Variants in PLEKHO2 observed in about 807,000 individuals in gnomAD.
PLEKHO2 encodes the protein pleckstrin homology domain-containing family O member 2.
PLEKHO2 carries 20 observed loss-of-function variants against 32.7 expected under a neutral mutation model. The observed-to-expected ratio is 0.61, with a 90% CI of 0.43 to 0.89. The LOEUF (loss-of-function observed/expected upper bound fraction) is 0.89. Among genes scored for constraint, PLEKHO2 ranks in the 40% least tolerant of loss-of-function variants. The probability of loss-of-function intolerance (pLI) is 0.00; values close to 1 mark genes in which losing one functional copy is unlikely to be tolerated. For missense variants in PLEKHO2, 568 were observed against 621.2 expected (o/e 0.91, Z 0.91); for synonymous variants, 247 against 246.3 (o/e 1.00, Z -0.03).
chr15:64,853,398 T>C (rs1350877610), intron 2 of PLEKHO2, among the ~76,000 whole-genome samples: 1 of 150,736 alleles, frequency 6.6e-6, no homozygotes, highest in African/African-American at 2.4e-5. Flanking sequence ...TGCCTCAGCC[T>C]CCCAAGTAGC....
At chr15:64,860,057 C>T in intron 4 of PLEKHO2, 59 bp downstream of exon 4, 1 of 1,480,106 alleles carries the variant, frequency 6.8e-7, no homozygotes, top group Non-Finnish European at 9.4e-7. Flanking sequence ...TGCGTGTGAT[C>T]TAGGAGAGGA....
Position 64,865,585 on chromosome 15 carries a change from C to A in PLEKHO2, c.1170C>A (p.Ser390=). The A allele has an allele frequency of 6.2e-7, 1 of 1,614,244 alleles. No homozygotes were observed. The highest frequency in any genetic ancestry group is 8.5e-7 in the Non-Finnish European group (1 of 1,180,036). Residue 390 remains serine, a synonymous_variant, in exon 6 of 6, where the codon TCC becomes TCA. Transcript: ENST00000323544. ...LPPQFHPRCS[S]LGDLLGEGPR... ...CTCAGTTCCATCCCCGCTGCTCCTC[C>A]CTTGGGGACTTGCTTGGGGAAGGCC...
chr15:64,845,679 A>G (rs1358812719), intron 1 of PLEKHO2, among the ~76,000 whole-genome samples: 3 of 152,198 alleles, frequency 2.0e-5, no homozygotes, highest in Admixed American at 2.0e-4. Flanking sequence ...TCATTCTTCA[A>G]GGACCTGGAC....
At chr15:64,843,203 T>C (rs1435730348) in intron 1 of PLEKHO2, among the ~76,000 whole-genome samples, 1 of 152,218 alleles carries the variant, frequency 6.6e-6, no homozygotes, top group African/African-American at 2.4e-5. Context: ...TGTGGGATGG[T>C]AGATAAGTCA....
chr15:64,857,075 G>A (rs1158149116), intron 3 of PLEKHO2, among the ~76,000 whole-genome samples: 1 of 152,236 alleles, frequency 6.6e-6, no homozygotes, highest in Non-Finnish European at 1.5e-5. Context: ...GGCCACTGCT[G>A]GGCCTTGCTG....
rs1247968408 is a variant in PLEKHO2 at position 64,855,012 on chromosome 15, T to G, written c.254T>G (p.Ile85Ser). 1 of 1,592,178 alleles carries G rather than the reference T, an allele frequency of 6.3e-7. No individual in the cohort carries two copies. Among genetic ancestry groups the G allele is most frequent in the Non-Finnish European group, 8.6e-7 (1 of 1,168,828 alleles). ...CTCCTCAAGCGAAAACACCGCTTTA[T>G]CCTGCTGCGATCCCCAGGGAACAAG... The part of the protein sequence containing the change: ...RALLKRKHRF[I>S]LLRSPGNKVS... Residue 85 changes from isoleucine (I) to serine (S), a missense_variant, in exon 3 of 6, where the codon ATC becomes AGC. Transcript: ENST00000323544.
intron 5 of PLEKHO2, among the ~76,000 whole-genome samples, chr15:64,863,735 G>A (rs2084660895): frequency 7.3e-6 from 1 of 136,320 alleles, no homozygotes; most frequent in Non-Finnish European, 1.5e-5. Context: ...TTGGGTGACA[G>A]TGCGAGACCC....
intron 2 of PLEKHO2, among the ~76,000 whole-genome samples, chr15:64,852,240 T>C (rs1367397803): frequency 2.0e-5 from 3 of 152,094 alleles, no homozygotes; most frequent in African/African-American, 4.8e-5. Flanking sequence ...GGGTTCATGG[T>C]TGGGGGCAGG....
rs922166513 is a variant in PLEKHO2 at position 64,863,440 on chromosome 15, A to T, written c.484-1459A>T. ...AAGGAATGCCTGATGGGGGCCGGGG[A>T]CGGATGTAGGGAGGGCCAGCCTTGG... is the stretch of plus-strand genomic sequence containing the variant. On this transcript the variant is annotated intron_variant, in intron 5 of 5. Coordinates refer to ENST00000323544, the MANE Select transcript of PLEKHO2 (RefSeq NM_025201.5). Among the ~76,000 whole-genome samples, 25 of 149,886 alleles carry T rather than the reference A, an allele frequency of 1.7e-4. 1 individual carries two copies. The highest frequency in any genetic ancestry group is 5.4e-4 in the African/African-American group (22 of 40,654).
rs949933921 is a variant in PLEKHO2, at chr15:64,866,504, G to C, written c.*616G>C. ...CCTCTTTGTGAGGAGGACATTAGCT[G>C]TGTGGCCTCTCTCTCTTTGGCCCTG... On this transcript the variant is annotated 3_prime_UTR_variant, in exon 6 of 6. Transcript: ENST00000323544. The C allele has an allele frequency of 2.5e-6, 1 of 405,048 alleles. No homozygotes were observed. Among genetic ancestry groups the C allele is most frequent in the Non-Finnish European group, 5.0e-6 (1 of 201,028 alleles). The allele number at this position is 405,048 out of a possible 1,614,324, so 25.1% of individuals were successfully genotyped here. A position where few individuals can be genotyped will look rare whatever the true frequency, so the allele number is the denominator to read the frequency against.
chr15:64,851,054 GT>G (rs1299991910), intron 2 of PLEKHO2, among the ~76,000 whole-genome samples: 1 of 152,224 alleles, frequency 6.6e-6, no homozygotes, highest in Non-Finnish European at 1.5e-5. Context: ...GATCCAAAGT[GT>G]TTAAAGGAGC....
intron 1 of PLEKHO2, among the ~76,000 whole-genome samples, chr15:64,844,126 G>T (rs1047214008): frequency 6.6e-6 from 1 of 152,188 alleles, no homozygotes; most frequent in African/African-American, 2.4e-5. Flanking sequence ...ATAGCCACAT[G>T]CTCTGCCCCA....
intron 2 of PLEKHO2, among the ~76,000 whole-genome samples, chr15:64,850,054 G>A (rs2084555514): frequency 1.3e-5 from 2 of 151,958 alleles, no homozygotes; most frequent in African/African-American, 4.8e-5. Flanking sequence ...CAGCTACTCA[G>A]GAGGCTGAGG....
intron 1 of PLEKHO2, among the ~76,000 whole-genome samples, chr15:64,842,756 T>C (rs1234079073): frequency 6.6e-6 from 1 of 152,128 alleles, no homozygotes; most frequent in African/African-American, 2.4e-5. Flanking sequence ...GGAGCCTCCT[T>C]CTAACCACTC....
intron 1 of PLEKHO2, among the ~76,000 whole-genome samples, chr15:64,848,184 T>C (rs56407595): frequency 0.018 from 2,754 of 152,312 alleles, 56 homozygotes; most frequent in South Asian, 0.031. Context: ...GGAAGCAGAA[T>C]GGTGGAGTGG....
chr15:64,865,214 C>G lies in PLEKHO2; in HGVS notation c.799C>G (p.Pro267Ala), dbSNP rs779253881. The change falls in exon 6 of 6, where the codon CCT (proline) becomes GCT (alanine). Residue 267 changes from proline (P) to alanine (A), a missense_variant. Physicochemically the swap from Pro to Ala is conservative, Grantham distance 27. Coordinates refer to ENST00000323544, the MANE Select transcript of PLEKHO2 (RefSeq NM_025201.5). Reference sequence around the variant, plus strand: ...TGAGCAGCCTCCCAACAGCGTCCTGCCTGACAAACTGAAGGTGAGCTGGGA... The same window carrying G: ...TGAGCAGCCTCCCAACAGCGTCCTGGCTGACAAACTGAAGGTGAGCTGGGA... ...GSEQPPNSVL[P>A]DKLKVSWENP... 1.2e-6 allele frequency: 2 copies of G among 1,614,166 alleles called. No homozygotes were observed. The highest frequency in any genetic ancestry group is 1.7e-6 in the Non-Finnish European group (2 of 1,180,010).
At chr15:64,856,702 G>A (rs1323042213) in intron 3 of PLEKHO2, among the ~76,000 whole-genome samples, 1 of 152,202 alleles carries the variant, frequency 6.6e-6, no homozygotes, top group Admixed American at 6.5e-5. Context: ...AGCAAGTGGT[G>A]GGTGCTGCGG....
intron 2 of PLEKHO2, among the ~76,000 whole-genome samples, chr15:64,853,029 C>T (rs2084579678): frequency 6.6e-6 from 1 of 150,674 alleles, no homozygotes; most frequent in Non-Finnish European, 1.5e-5. Flanking sequence ...ATCCCAGCTA[C>T]TCGGGGGGCT....
chr15:64,845,645 C>T (rs1215217032), intron 1 of PLEKHO2, among the ~76,000 whole-genome samples: 2 of 152,300 alleles, frequency 1.3e-5, no homozygotes, highest in African/African-American at 2.4e-5. Context: ...AGTGCTGTTT[C>T]GCCTAGTCCT....
Sources: gnomAD v4.1 joint callset for allele counts (sites outside exome capture counted in the v4.1 genomes callset) on GRCh38, gnomAD v4.1.1 for gene constraint, MANE v1.5 for transcripts, NCBI Gene and HGNC (gene_info 2026-07-23, HGNC 2026-07-21) for gene names.